PRKCE: variants seen among roughly 807,000 people sequenced by gnomAD.
PRKCE encodes the protein protein kinase C epsilon, also known as protein kinase C epsilon type.
Under a neutral mutation model 85.4 loss-of-function variants are expected in PRKCE, and 16 were observed. The observed-to-expected ratio is 0.19, with a 90% CI of 0.13 to 0.28. PRKCE has a LOEUF of 0.28. Ranked by LOEUF, PRKCE falls within the 10% of genes least tolerant of loss-of-function variation. PRKCE has a pLI of 1.00. For missense variants in PRKCE, 573 were observed against 975.2 expected, an observed-to-expected ratio of 0.59 and a Z score of 5.49; for synonymous variants, 388 against 371.5, an observed-to-expected ratio of 1.04 and a Z score of -0.51.
intron 10 of PRKCE, among the ~76,000 whole-genome samples, chr2:46,075,850 A>T (rs546994617): frequency 1.3e-5 from 2 of 152,250 alleles, no homozygotes; most frequent in South Asian, 4.1e-4. Flanking sequence ...CTGCAAGATG[A>T]TCAGGACACA....
chr2:45,851,177 C>T (rs1348507992), intron 2 of PRKCE, among the ~76,000 whole-genome samples: 1 of 152,222 alleles, frequency 6.6e-6, no homozygotes, highest in Non-Finnish European at 1.5e-5. Flanking sequence ...CAGTTATCCT[C>T]TTTCCTTGGT....
intron 2 of PRKCE, among the ~76,000 whole-genome samples, chr2:45,912,841 G>T (rs1417635376): frequency 6.6e-6 from 1 of 152,128 alleles, no homozygotes; most frequent in Non-Finnish European, 1.5e-5. Context: ...TTTGCAGTCA[G>T]CTGCCTAGGA....
chr2:45,685,149 G>A (rs534808144), intron 1 of PRKCE, among the ~76,000 whole-genome samples: 17 of 152,272 alleles, frequency 1.1e-4, no homozygotes, highest in African/African-American at 3.9e-4. Context: ...CCTGGCTGAA[G>A]GGAAGAGCTA....
At chr2:46,183,985 G>A (rs758585036) in intron 14 of PRKCE, among the ~76,000 whole-genome samples, 1 of 152,154 alleles carries the variant, frequency 6.6e-6, no homozygotes, top group African/African-American at 2.4e-5. Flanking sequence ...GCACACAGTT[G>A]TACCTTGGGA....
intron 2 of PRKCE, among the ~76,000 whole-genome samples, chr2:45,927,867 C>G (rs911372802): frequency 3.3e-5 from 5 of 152,114 alleles, no homozygotes; most frequent in African/African-American, 1.2e-4. Flanking sequence ...CTTTGAGATA[C>G]CCAAGGCTTC....
At position 46,001,612 on chromosome 2, in the gene PRKCE, G is replaced by C; in HGVS notation, c.966+66G>C. 6.5e-7 allele frequency: 1 copy of C among 1,540,040 alleles called. No individual in the cohort carries two copies. Among genetic ancestry groups the C allele is most frequent in the Non-Finnish European group, 8.7e-7 (1 of 1,144,418 alleles). On this transcript the variant is annotated intron_variant, in intron 7 of 14. Coordinates refer to ENST00000306156, the MANE Select transcript of PRKCE (RefSeq NM_005400.3). This position sits in a 1 kb window ranked among gnomAD's most constrained non-coding sequence, Gnocchi z 4.4. ...GCTAGCATTTCTGTGCTGACTTCCA[G>C]AGGGTGCTCTGGAGTGAGGTAATAA...
chr2:45,851,415 G>C (rs1180400239), intron 2 of PRKCE, among the ~76,000 whole-genome samples: 2 of 152,158 alleles, frequency 1.3e-5, no homozygotes, highest in Non-Finnish European at 2.9e-5. Context: ...CCCTCATGGG[G>C]CTTACATTCA....
At chr2:45,867,908 C>G (rs1232983885) in intron 2 of PRKCE, among the ~76,000 whole-genome samples, 1 of 152,124 alleles carries the variant, frequency 6.6e-6, no homozygotes, top group African/African-American at 2.4e-5. Context: ...TTGGGAAGCC[C>G]CCAGGTCACT....
At chr2:45,748,739 G>A (rs1683327635) in intron 1 of PRKCE, among the ~76,000 whole-genome samples, 1 of 152,186 alleles carries the variant, frequency 6.6e-6, no homozygotes, top group East Asian at 1.9e-4. Context: ...AGGGGGAAGG[G>A]ATGATGCTCC....
intron 1 of PRKCE, among the ~76,000 whole-genome samples, chr2:45,689,301 T>C (rs1677539830): frequency 6.6e-6 from 1 of 152,138 alleles, no homozygotes; most frequent in South Asian, 2.1e-4. Flanking sequence ...TCAGGTAACC[T>C]TGGGTAACCA....
chr2:45,887,495 G>A (rs1322489460), intron 2 of PRKCE, among the ~76,000 whole-genome samples: 1 of 151,928 alleles, frequency 6.6e-6, no homozygotes, highest in African/African-American at 2.4e-5. Flanking sequence ...GTCTCTAGGT[G>A]GCGGTTTCAG....
intron 1 of PRKCE, among the ~76,000 whole-genome samples, chr2:45,764,531 A>G (rs1252943347): frequency 6.6e-6 from 1 of 152,228 alleles, no homozygotes; most frequent in African/African-American, 2.4e-5. Context: ...TGCAGCTCGA[A>G]TGTGTGCAGT....
chr2:45,847,545 T>C (rs1159523732), intron 2 of PRKCE, among the ~76,000 whole-genome samples: 1 of 145,252 alleles, frequency 6.9e-6, no homozygotes, highest in Admixed American at 6.8e-5. Flanking sequence ...GCTCTTAGCT[T>C]TACCAAGTGC....
At chr2:45,978,869 G>A in intron 3 of PRKCE, 107 bp from the exon 4 acceptor site, 1 of 864,154 alleles carries the variant, frequency 1.2e-6, no homozygotes, top group South Asian at 1.4e-5. Flanking sequence ...CATACTTCAT[G>A]TACTTGGTGC....
At chr2:45,741,724 G>GGT (rs1682592893) in intron 1 of PRKCE, among the ~76,000 whole-genome samples, 1 of 146,974 alleles carries the variant, frequency 6.8e-6, no homozygotes. Flanking sequence ...AGGTTCAAGG[G>GGT]GTGGTGCAAG....
chr2:45,654,969 A>G (rs1675310494), intron 1 of PRKCE, among the ~76,000 whole-genome samples: 1 of 152,198 alleles, frequency 6.6e-6, no homozygotes, highest in East Asian at 1.9e-4. Flanking sequence ...ACCTGGCAGG[A>G]ATGAAGAAAC....
chr2:46,083,846 G>A (rs1449363864), intron 10 of PRKCE, among the ~76,000 whole-genome samples: 1 of 152,194 alleles, frequency 6.6e-6, no homozygotes, highest in Admixed American at 6.5e-5. Context: ...TGACAAAAAA[G>A]GAGACCAGAA....
At chr2:45,937,977 A>G (rs915612934) in intron 2 of PRKCE, among the ~76,000 whole-genome samples, 2 of 152,220 alleles carry the variant, frequency 1.3e-5, no homozygotes, top group African/African-American at 4.8e-5. Flanking sequence ...CCTTGCTGCC[A>G]TGCTGGCTTC....
At chr2:46,109,733 C>T (rs895647994) in intron 11 of PRKCE, among the ~76,000 whole-genome samples, 7 of 152,052 alleles carry the variant, frequency 4.6e-5, no homozygotes, top group Non-Finnish European at 7.4e-5. Context: ...AACTCCAGTA[C>T]AATGTTGAAT....
Sources: allele counts gnomAD v4.1 joint callset (sites outside exome capture counted in the v4.1 genomes callset), GRCh38; gene constraint gnomAD v4.1.1; non-coding constraint Gnocchi (gnomAD v3.1); transcripts MANE v1.5; gene names NCBI Gene and HGNC (gene_info 2026-07-23, HGNC 2026-07-21).